The following RWDD3 variants were observed in gnomAD, a reference collection of about 807,000 sequenced individuals.
RWDD3 encodes the protein RWD domain-containing protein 3.
In RWDD3, 30 loss-of-function variants were observed where a neutral mutation model predicts 26.5. That is an observed-to-expected ratio of 1.13 (90% CI 0.85 to 1.54). The LOEUF is 1.54. Among genes scored for constraint, RWDD3 ranks in the 40% most tolerant of loss-of-function variants. The probability of loss-of-function intolerance (pLI) is 0.00; values close to 1 mark genes in which losing one functional copy is unlikely to be tolerated. For synonymous variants in RWDD3, 113 were observed against 114.5 expected, an observed-to-expected ratio of 0.99 and a Z score of 0.09; for missense variants, 296 against 309.1, an observed-to-expected ratio of 0.96 and a Z score of 0.32.
intron 3 of RWDD3, 36 bp downstream of exon 3, chr1:95,246,693 T>C (rs756146593): frequency 7.1e-6 from 11 of 1,545,776 alleles, no homozygotes; most frequent in Non-Finnish European, 8.9e-6. Context: ...GAAAAGCAAC[T>C]GAATCGATAA....
chr1:95,239,221 T>G (rs1680500132), intron 1 of RWDD3, among the ~76,000 whole-genome samples: 1 of 152,182 alleles, frequency 6.6e-6, no homozygotes, highest in Non-Finnish European at 1.5e-5. Context: ...GAGATTAGTA[T>G]TAGATTTAGA....
At chr1:95,237,172 T>TC (rs1680396153) in intron 1 of RWDD3, among the ~76,000 whole-genome samples, 1 of 151,718 alleles carries the variant, frequency 6.6e-6, no homozygotes, top group African/African-American at 2.4e-5. Context: ...TTTTTTTTTT[T>TC]CCCATGATTT....
chr1:95,236,447 G>A (rs759107367), intron 1 of RWDD3, among the ~76,000 whole-genome samples: 1 of 152,124 alleles, frequency 6.6e-6, no homozygotes, highest in African/African-American at 2.4e-5. Context: ...ACAGGGAGTT[G>A]ACTTCCATTT....
rs751774407 is a variant in RWDD3, at chr1:95,246,844, G to A, written c.778G>A (p.Glu260Lys). Residue 260 changes from glutamate (E) to lysine (K), a missense_variant, in exon 4 of 4, where the codon GAA (glutamate) becomes AAA (lysine). Coordinates refer to ENST00000370202, the MANE Select transcript of RWDD3 (RefSeq NM_015485.5). ...ETAGLKKLFS[E>K]FVLALVK The stretch of plus-strand genomic sequence containing the variant: ...TGCAGGACTTAAGAAGCTTTTCTCC[G>A]AATTTGTACTTGCTCTGGTAAAATG... 5.4e-5 allele frequency: 84 copies of A among 1,549,124 alleles called. No homozygotes were observed. Among genetic ancestry groups the A allele is most frequent in the Non-Finnish European group, 6.3e-5 (73 of 1,151,540 alleles).
chr1:95,240,362 A>C (rs561226586), intron 1 of RWDD3, among the ~76,000 whole-genome samples: 15 of 152,218 alleles, frequency 9.9e-5, no homozygotes, highest in Non-Finnish European at 1.6e-4. Context: ...AAGAAAATCA[A>C]GATATTTCAG....
chr1:95,243,879 G>A (rs762575012), intron 1 of RWDD3, among the ~76,000 whole-genome samples: 1 of 152,042 alleles, frequency 6.6e-6, no homozygotes, highest in Non-Finnish European at 1.5e-5. Flanking sequence ...GAGTTTATTA[G>A]GGATTTTCAG....
chr1:95,246,625 G>C lies in RWDD3; in HGVS notation c.657G>C (p.Leu219=). 1 of 1,611,140 alleles carries C rather than the reference G, an allele frequency of 6.2e-7. No homozygotes were observed. Among genetic ancestry groups the C allele is most frequent in the Admixed American group, 1.7e-5 (1 of 59,832 alleles). Residue 219 remains leucine, a synonymous_variant, in exon 3 of 4, where the codon CTG becomes CTC. Transcript: ENST00000370202. ...GCAAAGAGAAAATGATTAGTGTACTGTTTGAAACAAAAGTACAGACAGAAC... is the reference window on the plus strand; with the variant it reads ...GCAAAGAGAAAATGATTAGTGTACTCTTTGAAACAAAAGTACAGACAGAAC... ...KKCKEKMISV[L]FETKVQTEHK...
chr1:95,238,559 C>CT (rs1156791733), intron 1 of RWDD3, among the ~76,000 whole-genome samples: 1 of 150,404 alleles, frequency 6.6e-6, no homozygotes, highest in Non-Finnish European at 1.5e-5. Flanking sequence ...TGAGAGGGTG[C>CT]TGAAGGTTTC....
chr1:95,246,513 T>G (rs750169225), intron 2 of RWDD3, 29 bp from the exon 3 acceptor site: 2 of 1,275,684 alleles, frequency 1.6e-6, no homozygotes, highest in African/African-American at 3.0e-5. Flanking sequence ...GAGTAAGATA[T>G]GTATTTAATG....
At chr1:95,242,415 G>C (rs12061000) in intron 1 of RWDD3, among the ~76,000 whole-genome samples, 111 of 152,254 alleles carry the variant, frequency 7.3e-4, no homozygotes, top group African/African-American at 2.5e-3. Context: ...GTGAATGCTT[G>C]TTCAATGATG....
intron 1 of RWDD3, among the ~76,000 whole-genome samples, chr1:95,241,041 C>T (rs554609692): frequency 1.3e-5 from 2 of 151,500 alleles, no homozygotes; most frequent in Non-Finnish European, 2.9e-5. Flanking sequence ...GAGTGAGACT[C>T]AATCTCAAAA....
chr1:95,244,467 C>G lies in RWDD3; in HGVS notation c.342C>G (p.Ile114Met), dbSNP rs749496222. 1 of 1,614,176 alleles carries G rather than the reference C, an allele frequency of 6.2e-7. No individual in the cohort carries two copies. Among genetic ancestry groups the G allele is most frequent in the African/African-American group, 1.3e-5 (1 of 75,054 alleles). The change falls in exon 2 of 4, where the codon ATC (isoleucine) becomes ATG (methionine). Residue 114 changes from isoleucine (I) to methionine (M), a missense_variant. Ile to Met is a conservative substitution (Grantham distance 10). Coordinates refer to ENST00000370202, the MANE Select transcript of RWDD3 (RefSeq NM_015485.5). ...GGATTCAGCAGAATCTCAGGCATAT[C>G]CTCAGCCAACCAGAAACTGGCAGTG... ...VLWIQQNLRH[I>M]LSQPETGSGS...
upstream of RWDD3, chr1:95,234,205 G>A (rs1001784331): frequency 4.6e-5 from 72 of 1,564,384 alleles, no homozygotes; most frequent in Non-Finnish European, 6.0e-5. Flanking sequence ...GGAAGGGGAA[G>A]CGCTGAGGCG....
At position 95,240,118 on chromosome 1, in the gene RWDD3, C is replaced by T. The variant is rs189111387; in HGVS notation, c.86-4093C>T. ...GTAATCCAGGATAATACTCCCCTCT[C>T]GAAATCGTTAACTTAATCATGTCTG... is the stretch of plus-strand genomic sequence containing the variant. On this transcript the variant is annotated intron_variant, in intron 1 of 3. Transcript: ENST00000370202. Among the ~76,000 whole-genome samples, 364 of 152,306 alleles carry T rather than the reference C, an allele frequency of 2.4e-3. 1 individual carries two copies. The highest frequency in any genetic ancestry group is 8.3e-3 in the African/African-American group (345 of 41,564).
At chr1:95,234,803 A>G (rs1032700219) in intron 1 of RWDD3, among the ~76,000 whole-genome samples, 15 of 152,044 alleles carry the variant, frequency 9.9e-5, no homozygotes, top group African/African-American at 2.9e-4. Flanking sequence ...CCTGGTAGGT[A>G]GTAGGTAAAT....
intron 1 of RWDD3, among the ~76,000 whole-genome samples, chr1:95,235,317 G>A (rs1483701626): frequency 6.9e-6 from 1 of 145,728 alleles, no homozygotes; most frequent in African/African-American, 2.5e-5. Context: ...CTCCGAAAGT[G>A]CTGGGATTAC....
At chr1:95,234,426 G>A in intron 1 of RWDD3, 111 bp downstream of exon 1, 1 of 983,798 alleles carries the variant, frequency 1.0e-6, no homozygotes, top group Non-Finnish European at 1.5e-6. Context: ...CCACGTATGG[G>A]GACCGGGTTA....
chr1:95,243,963 G>T (rs774117715), intron 1 of RWDD3, among the ~76,000 whole-genome samples: 11 of 152,194 alleles, frequency 7.2e-5, no homozygotes, highest in Admixed American at 1.3e-4. Context: ...TAAAAATGGG[G>T]TGATAGCAAG....
At chr1:95,236,346 AAG>A (rs1491263778) in intron 1 of RWDD3, among the ~76,000 whole-genome samples, 4 of 151,724 alleles carry the variant, frequency 2.6e-5, no homozygotes, top group Non-Finnish European at 4.4e-5. Context: ...AAAAAAAAAA[AAG>A]TAGTCTAAAA....
Sources: allele counts gnomAD v4.1 joint callset (sites outside exome capture counted in the v4.1 genomes callset), GRCh38; gene constraint gnomAD v4.1.1; transcripts MANE v1.5; gene names NCBI Gene and HGNC (gene_info 2026-07-23, HGNC 2026-07-21).